Variants in ATAD5 observed in about 807,000 individuals in gnomAD.
The protein encoded by ATAD5 is ATPase family AAA domain-containing protein 5.
In ATAD5, 58 loss-of-function variants were observed where a neutral mutation model predicts 176.9. The observed-to-expected ratio is 0.33, with a 90% CI of 0.27 to 0.41. ATAD5 has a LOEUF of 0.41. ATAD5 is among the 10% of genes least tolerant of loss of function. The pLI is 1.00. For synonymous variants in ATAD5, 640 were observed against 712.6 expected, an observed-to-expected ratio of 0.90 and a Z score of 1.62; for missense variants, 1,789 against 2,094.1, an observed-to-expected ratio of 0.85 and a Z score of 2.84.
chr17:30,877,624 A>G (rs1345047927), intron 16 of ATAD5, 75 bp downstream of exon 16: 3 of 1,443,028 alleles, frequency 2.1e-6, no homozygotes, highest in Admixed American at 2.3e-5. Context: ...ATGTTTTCTT[A>G]TAAAGAATTG....
At chr17:30,842,270 AAAAT>A (rs142388314) in intron 4 of ATAD5, among the ~76,000 whole-genome samples, 34,696 of 150,370 alleles carry the variant, frequency 0.23, 6,142 homozygotes, top group African/African-American at 0.5. Flanking sequence ...CTCCATCTCA[AAAAT>A]AAATAAATAA....
intron 14 of ATAD5, among the ~76,000 whole-genome samples, chr17:30,872,371 C>T (rs1908384025): frequency 6.6e-6 from 1 of 152,224 alleles, no homozygotes; most frequent in South Asian, 2.1e-4. Flanking sequence ...GAATCATTCA[C>T]AGCTCTCTGT....
Position 30,840,798 on chromosome 17 carries a change from T to C in ATAD5, c.2241+17T>C, listed in dbSNP as rs1349284433. On this transcript the variant is annotated intron_variant, in intron 4 of 22. Coordinates refer to ENST00000321990, the MANE Select transcript of ATAD5 (RefSeq NM_024857.5). ...GAAACAGAAGTAAGTATTATAAATA[T>C]CTGTTGGTATAAATTCTCTCCTATT... is the stretch of plus-strand genomic sequence containing the variant. The C allele has an allele frequency of 6.3e-7, 1 of 1,581,274 alleles. No individual in the cohort carries two copies. The highest frequency in any genetic ancestry group is 1.4e-5 in the African/African-American group (1 of 72,970).
chr17:30,856,951 T>A lies in ATAD5; in HGVS notation c.2636-4T>A. 1.3e-6 allele frequency: 2 copies of A among 1,570,304 alleles called. No homozygotes were observed. The highest frequency in any genetic ancestry group is 1.7e-6 in the Non-Finnish European group (2 of 1,166,406). On this transcript the variant is annotated splice_region_variant and splice_polypyrimidine_tract_variant and intron_variant, in intron 7 of 22. Transcript: ENST00000321990. ...TATTAAGATATTTGTCTATTTTTCTTTAGGGTGTTGTTTGTGGCATTTGAA... is the reference window on the plus strand; with the variant it reads ...TATTAAGATATTTGTCTATTTTTCTATAGGGTGTTGTTTGTGGCATTTGAA...
intron 6 of ATAD5, among the ~76,000 whole-genome samples, chr17:30,853,240 T>C (rs1907074520): frequency 6.6e-6 from 1 of 152,154 alleles, no homozygotes; most frequent in South Asian, 2.1e-4. Context: ...CCATACCAGC[T>C]ATATATGTAT....
chr17:30,850,847 ATATATATATATATATATATATATTTTTT>A (rs1906862901), intron 6 of ATAD5, among the ~76,000 whole-genome samples: 3 of 31,388 alleles, frequency 9.6e-5, no homozygotes, highest in South Asian at 4.4e-3. Flanking sequence ...ATATATATAT[ATATATATATATATATATATATATTTTTT>A]TTTTTTTTTT....
intron 6 of ATAD5, among the ~76,000 whole-genome samples, chr17:30,846,088 ATCT>A (rs972748848): frequency 1.1e-4 from 17 of 152,186 alleles, no homozygotes; most frequent in Non-Finnish European, 2.1e-4. Context: ...AGAAATAACA[ATCT>A]TCTTTTTAGC....
At chr17:30,883,102 T>C (rs1299179743) in intron 18 of ATAD5, among the ~76,000 whole-genome samples, 1 of 151,612 alleles carries the variant, frequency 6.6e-6, no homozygotes, top group African/African-American at 2.4e-5. Flanking sequence ...TACTTTGTGC[T>C]AAAGTGTAAT....
intron 15 of ATAD5, 146 bp from the exon 16 acceptor site, chr17:30,877,270 A>G: frequency 1.7e-6 from 1 of 574,610 alleles, no homozygotes; most frequent in Non-Finnish European, 3.0e-6. Context: ...CGGCCTCCCA[A>G]AGTGCTGGGA....
chr17:30,877,550 G>T lies in ATAD5; in HGVS notation c.3918+1G>T. 1 of 1,607,306 alleles carries T rather than the reference G, an allele frequency of 6.2e-7. No individual in the cohort carries two copies. The highest frequency in any genetic ancestry group is 8.5e-7 in the Non-Finnish European group (1 of 1,178,348). ...AACATCTCTTATTCTTTTTGAGGAG[G>T]TAGGCTTATAGAAGTATACATTTGT... On this transcript the variant is annotated splice_donor_variant, in intron 16 of 22. Coordinates refer to ENST00000321990, the MANE Select transcript of ATAD5 (RefSeq NM_024857.5). LOFTEE classifies it high-confidence loss of function.
chr17:30,846,063 A>G (rs1293994555), intron 6 of ATAD5, among the ~76,000 whole-genome samples: 1 of 152,232 alleles, frequency 6.6e-6, no homozygotes, highest in Admixed American at 6.5e-5. Context: ...CAGTTTTGAC[A>G]AGTGCATCTT....
chr17:30,842,555 A>G (rs1315059873), intron 4 of ATAD5, among the ~76,000 whole-genome samples: 1 of 152,112 alleles, frequency 6.6e-6, no homozygotes, highest in African/African-American at 2.4e-5. Context: ...TGCTTCACAT[A>G]TGGTAAGTGC....
chr17:30,832,448 C>G (rs1905440977), intron 1 of ATAD5, 35 bp downstream of exon 1: 1 of 1,492,616 alleles, frequency 6.7e-7, no homozygotes, highest in Non-Finnish European at 9.0e-7. Flanking sequence ...GAGTTCCTTC[C>G]TCTATCTTTT....
rs1438033168 is a variant in ATAD5 at position 30,850,953 on chromosome 17, C to T, written c.2451-4190C>T. On this transcript the variant is annotated intron_variant, in intron 6 of 22. Coordinates refer to ENST00000321990, the MANE Select transcript of ATAD5 (RefSeq NM_024857.5). ...AGGCTGGAGTGCAGTGGCACGATCT[C>T]GACTCACTGCAACCTCTGCCTCCCA... 7.9e-5 allele frequency among the ~76,000 whole-genome samples: 10 copies of T among 126,576 alleles called. No homozygotes were observed. The East Asian group carries it at 1.6e-3, about 20-fold the overall frequency. The allele number at this position is 126,576 out of a possible 152,430, so 83.0% of individuals were successfully genotyped here. A position where few individuals can be genotyped will look rare whatever the true frequency, so the allele number is the denominator to read the frequency against.
In ATAD5 at chr17:30,893,816, A is replaced by G; in HGVS notation, c.4963A>G (p.Asn1655Asp). The G allele has an allele frequency of 1.2e-6, 2 of 1,614,048 alleles. No homozygotes were observed. Among genetic ancestry groups the G allele is most frequent in the Non-Finnish European group, 1.7e-6 (2 of 1,179,922 alleles). The part of the protein sequence containing the change: ...CLNSLSEFMD[N>D]MSFLDALLTD... ...AAATTCTCTCTCTGAGTTCATGGAT[A>G]ACATGTCCTTCTTAGATGCACTTTT... Residue 1655 changes from asparagine (N) to aspartate (D), a missense_variant, in exon 21 of 23, where the codon AAC becomes GAC. Asn to Asp is a conservative substitution (Grantham distance 23). Transcript: ENST00000321990.
intron 15 of ATAD5, among the ~76,000 whole-genome samples, 158 bp from the exon 16 acceptor site, chr17:30,877,258 C>T (rs1165152903): frequency 6.6e-6 from 1 of 152,184 alleles, no homozygotes; most frequent in Admixed American, 6.6e-5. Context: ...ATCCACTTGC[C>T]TCGGCCTCCC....
intron 6 of ATAD5, among the ~76,000 whole-genome samples, chr17:30,846,911 GT>G (rs1264893531): frequency 6.6e-6 from 1 of 151,626 alleles, no homozygotes; most frequent in Admixed American, 6.6e-5. Flanking sequence ...TAGAGATGGG[GT>G]TTTTCCATGT....
In ATAD5 at chr17:30,855,037, G is replaced by A. The variant is rs985319196; in HGVS notation, c.2451-106G>A. On this transcript the variant is annotated intron_variant, in intron 6 of 22. Transcript: ENST00000321990. ...GCCTCTCAAAGTACTTATATTACAGGCATGAGCCACCATGCCCAGCCCTAA... is the reference window on the plus strand; with the variant it reads ...GCCTCTCAAAGTACTTATATTACAGACATGAGCCACCATGCCCAGCCCTAA... 4.7e-6 allele frequency: 5 copies of A among 1,062,244 alleles called. No individual in the cohort carries two copies. In the African/African-American group the frequency reaches 6.5e-5, roughly 14 times the overall value. The allele number at this position is 1,062,244 out of a possible 1,614,324, so 65.8% of individuals were successfully genotyped here.
At chr17:30,888,782 C>G (rs1176642084) in intron 19 of ATAD5, among the ~76,000 whole-genome samples, 1 of 151,898 alleles carries the variant, frequency 6.6e-6, no homozygotes, top group Non-Finnish European at 1.5e-5. Context: ...AAAAAACACA[C>G]ACAGGCTGGG....
Sources: gnomAD v4.1 joint callset for allele counts (sites outside exome capture counted in the v4.1 genomes callset) on GRCh38, gnomAD v4.1.1 for gene constraint, MANE v1.5 for transcripts, NCBI Gene and HGNC (gene_info 2026-07-23, HGNC 2026-07-21) for gene names.